Variants in SPAG16 observed in about 807,000 individuals in gnomAD.
SPAG16 encodes sperm-associated antigen 16 protein.
In SPAG16, 86 loss-of-function variants were observed where a neutral mutation model predicts 80.4. That is an observed-to-expected ratio of 1.07 (90% CI 0.90 to 1.28). The LOEUF is 1.28. Among genes scored for constraint, SPAG16 ranks in the 50% most tolerant of loss-of-function variants. SPAG16 has a pLI of 0.00. For missense variants in SPAG16, 870 were observed against 765.3 expected (o/e 1.14, Z -1.61); for synonymous variants, 294 against 265.9 (o/e 1.11, Z -1.03).
intron 13 of SPAG16, among the ~76,000 whole-genome samples, chr2:214,071,960 C>A (rs2050806318): frequency 6.6e-6 from 1 of 151,992 alleles, no homozygotes; most frequent in South Asian, 2.1e-4. Context: ...AGTGAAATTT[C>A]TCATTGGTTT....
chr2:213,949,178 T>TTTTTTTTTTTTGTTTTTTTGTTTTTTTG (rs2079607343), intron 12 of SPAG16, among the ~76,000 whole-genome samples: 1 of 19,152 alleles, frequency 5.2e-5, no homozygotes, highest in African/African-American at 9.6e-5. Flanking sequence ...AGTTTTTTTT[T>TTTTTTTTTTTTGTTTTTTTGTTTTTTTG]TTTTTTTTTT....
intron 12 of SPAG16, among the ~76,000 whole-genome samples, chr2:213,998,689 G>A (rs1162335034): frequency 6.6e-6 from 1 of 152,198 alleles, no homozygotes; most frequent in African/African-American, 2.4e-5. Context: ...GAAAATGTGG[G>A]AAAGTTTGGA....
At chr2:213,426,821 GATT>G (rs2069951133) in intron 9 of SPAG16, among the ~76,000 whole-genome samples, 1 of 112,162 alleles carries the variant, frequency 8.9e-6, no homozygotes, top group Admixed American at 9.6e-5. Flanking sequence ...TTTTTCAAAA[GATT>G]ATTCTGATAC....
chr2:213,739,239 C>T (rs189105194), intron 10 of SPAG16, among the ~76,000 whole-genome samples: 11 of 152,176 alleles, frequency 7.2e-5, no homozygotes, highest in Admixed American at 5.9e-4. Context: ...TTAATTTGGC[C>T]CCCTATTACT....
intron 10 of SPAG16, among the ~76,000 whole-genome samples, chr2:213,697,902 T>C: frequency 6.6e-6 from 1 of 152,196 alleles, no homozygotes; most frequent in East Asian, 1.9e-4. Context: ...CCTTTTTATA[T>C]AGTCCTTTTA....
chr2:214,305,849 A>G, intron 15 of SPAG16, among the ~76,000 whole-genome samples: 1 of 150,966 alleles, frequency 6.6e-6, no homozygotes, highest in African/African-American at 2.4e-5. Context: ...TTCCTTGTCA[A>G]TTTGGGCTCT....
intron 15 of SPAG16, among the ~76,000 whole-genome samples, chr2:214,304,114 G>A (rs1694750641): frequency 6.6e-6 from 1 of 152,096 alleles, no homozygotes; most frequent in Admixed American, 6.6e-5. Context: ...GTGGTATTTG[G>A]TTTTCTGTTC....
chr2:214,047,626 G>A (rs2049403367), intron 13 of SPAG16, among the ~76,000 whole-genome samples: 1 of 152,096 alleles, frequency 6.6e-6, no homozygotes, highest in African/African-American at 2.4e-5. Flanking sequence ...CAGGACATTG[G>A]TCTGGGCAAA....
chr2:213,344,991 C>G (rs1234655900), intron 6 of SPAG16, among the ~76,000 whole-genome samples: 13 of 152,020 alleles, frequency 8.6e-5, no homozygotes, highest in African/African-American at 3.1e-4. Flanking sequence ...GTTTACAGTC[C>G]CATCAACAGT....
At chr2:213,666,361 G>C (rs1296145384) in intron 10 of SPAG16, among the ~76,000 whole-genome samples, 3 of 151,966 alleles carry the variant, frequency 2.0e-5, no homozygotes, top group Admixed American at 6.6e-5. Context: ...TAAACTTACT[G>C]TGTAATCTTC....
chr2:213,561,024 T>C (rs1050729154), intron 10 of SPAG16, among the ~76,000 whole-genome samples: 1 of 152,128 alleles, frequency 6.6e-6, no homozygotes, highest in African/African-American at 2.4e-5. Flanking sequence ...CCTCTACATA[T>C]AGTTAATTTT....
intron 12 of SPAG16, among the ~76,000 whole-genome samples, chr2:214,003,350 A>G (rs1245994127): frequency 6.6e-6 from 1 of 152,200 alleles, no homozygotes; most frequent in African/African-American, 2.4e-5. Context: ...TTTTCTGCCT[A>G]TAGAGCATAA....
rs78887714 is a variant in SPAG16, at chr2:213,495,741, G to C, written c.1070+5651G>C. ...CTTTTCTTGAGAAAGTGATATGTAA[G>C]GGAAACCTGAAGCAGGTGATGAAGT... On this transcript the variant is annotated intron_variant, in intron 10 of 15. Coordinates refer to ENST00000331683, the MANE Select transcript of SPAG16 (RefSeq NM_024532.5). Among the ~76,000 whole-genome samples, 660 of 152,296 alleles carry C rather than the reference G, an allele frequency of 4.3e-3. 3 individuals carry two copies. Among genetic ancestry groups the C allele is most frequent in the Non-Finnish European group, 6.2e-3 (424 of 68,030 alleles).
chr2:213,995,955 C>T (rs2046495791), intron 12 of SPAG16, among the ~76,000 whole-genome samples: 2 of 152,322 alleles, frequency 1.3e-5, no homozygotes, highest in East Asian at 1.9e-4. Context: ...GAATCTACCT[C>T]ACTCTTTCTC....
intron 10 of SPAG16, among the ~76,000 whole-genome samples, chr2:213,757,098 A>G (rs1033273281): frequency 3.9e-5 from 6 of 152,234 alleles, no homozygotes; most frequent in Non-Finnish European, 2.9e-5. Flanking sequence ...CATAAATCTG[A>G]AACGGAAATT....
At chr2:213,854,780 T>A (rs532065508) in intron 10 of SPAG16, among the ~76,000 whole-genome samples, 1 of 152,382 alleles carries the variant, frequency 6.6e-6, no homozygotes, top group African/African-American at 2.4e-5. Context: ...CACATCTTAC[T>A]TCAGAGCCAA....
At chr2:214,252,835 G>A (rs1690395185) in intron 15 of SPAG16, among the ~76,000 whole-genome samples, 1 of 152,038 alleles carries the variant, frequency 6.6e-6, no homozygotes, top group Non-Finnish European at 1.5e-5. Context: ...TGGGTCAAAT[G>A]GTATTTCTAA....
chr2:213,323,075 T>C (rs1376867074), intron 5 of SPAG16, among the ~76,000 whole-genome samples: 1 of 149,182 alleles, frequency 6.7e-6, no homozygotes, highest in African/African-American at 2.4e-5. Context: ...TGTTACTAAT[T>C]GTCAAGGAAA....
At chr2:214,197,415 A>G (rs190423470) in intron 15 of SPAG16, among the ~76,000 whole-genome samples, 101 of 152,084 alleles carry the variant, frequency 6.6e-4, no homozygotes, top group African/African-American at 2.3e-3. Context: ...AAAATAAAAC[A>G]TCATTGTTTT....
Sources: allele counts gnomAD v4.1 joint callset (sites outside exome capture counted in the v4.1 genomes callset), GRCh38; gene constraint gnomAD v4.1.1; transcripts MANE v1.5; gene names NCBI Gene and HGNC (gene_info 2026-07-23, HGNC 2026-07-21).